TNKS1BP1: variants seen among roughly 807,000 people sequenced by gnomAD.
TNKS1BP1 encodes the protein 182 kDa tankyrase-1-binding protein.
A neutral mutation model predicts 141.1 loss-of-function variants in TNKS1BP1; 48 were observed. The observed-to-expected ratio is 0.34, with a 90% CI of 0.27 to 0.43. The LOEUF (loss-of-function observed/expected upper bound fraction) is 0.43, where lower values mean the gene tolerates loss of function less well. Among genes scored for constraint, TNKS1BP1 ranks in the 20% least tolerant of loss-of-function variants. The pLI is 1.00. For synonymous variants in TNKS1BP1, 875 were observed against 898.2 expected (o/e 0.97, Z 0.46); for missense variants, 2,149 against 2,226.0 (o/e 0.97, Z 0.70).
chr11:57,301,691 A>C, intron 9 of TNKS1BP1, 116 bp downstream of exon 9: 1 of 1,381,752 alleles, frequency 7.2e-7, no homozygotes, highest in East Asian at 2.3e-5. Flanking sequence ...GAGTGAGAGG[A>C]GGAATGGGAG....
chr11:57,302,466 AAGG>A lies in TNKS1BP1; in HGVS notation c.4673_4675del (p.Ser1558del). ...GGCTCACCCTCCACTGACCTCAATG[AAGG>A]AGAAGTCCTGACTGGGGGATCTGGC... On this transcript the variant is annotated inframe_deletion, in exon 7 of 12. Transcript: ENST00000358252. The surrounding 1 kb of genome is among the most constrained non-coding windows in gnomAD (Gnocchi z 5.5). 6.3e-7 allele frequency: 1 copy of A among 1,595,350 alleles called. No homozygotes were observed. The highest frequency in any genetic ancestry group is 8.6e-7 in the Non-Finnish European group (1 of 1,167,820).
Position 57,322,076 on chromosome 11 carries a change from G to T in TNKS1BP1, c.-65-126C>A, listed in dbSNP as rs1020857746. On this transcript the variant is annotated intron_variant, in intron 1 of 11. Coordinates refer to ENST00000358252, the MANE Select transcript of TNKS1BP1 (RefSeq NM_033396.3). ...CAGGAAGAGAGAACTTGGAGTGGGG[G>T]GGGGGGGGTAGGAGGAGGTCAAGGG... is the stretch of plus-strand genomic sequence containing the variant. 9.2e-5 allele frequency: 80 copies of T among 866,292 alleles called. 4 individuals are homozygous for T. The highest frequency in any genetic ancestry group is 7.3e-4 in the African/African-American group (42 of 57,484). The allele number at this position is 866,292 out of a possible 1,614,324, so 53.7% of individuals were successfully genotyped here.
rs201504594 is a variant in TNKS1BP1, at chr11:57,313,523, G to A, written c.1165C>T (p.Arg389Trp). ...SLDQPPATSP[R>W]PLIEVGELLD... ...AACTCACCCACCTCGATCAGGGGCC[G>A]GGGTGAGGTGGCAGGGGGCTGATCC... The change falls in exon 5 of 12, where the codon CGG (arginine) becomes TGG (tryptophan). Residue 389 changes from arginine to tryptophan, a missense_variant. Physicochemically the swap from Arg to Trp is moderately radical, Grantham distance 101. Coordinates refer to ENST00000358252, the MANE Select transcript of TNKS1BP1 (RefSeq NM_033396.3). The A allele has an allele frequency of 2.4e-5, 37 of 1,571,580 alleles. No individual in the cohort carries two copies. Among genetic ancestry groups the A allele is most frequent in the African/African-American group, 8.1e-5 (6 of 73,910 alleles).
At chr11:57,301,967 T>G in intron 8 of TNKS1BP1, 24 bp from the exon 9 acceptor site, 1 of 1,609,692 alleles carries the variant, frequency 6.2e-7, no homozygotes, top group Non-Finnish European at 8.5e-7. Context: ...GGAAAGGGGC[T>G]CAGAAAAGGC....
At position 57,313,693 on chromosome 11, in the gene TNKS1BP1, G is replaced by T; in HGVS notation, c.995C>A (p.Pro332His). The T allele has an allele frequency of 6.3e-7, 1 of 1,580,072 alleles. No individual in the cohort carries two copies. Residue 332 changes from proline to histidine, a missense_variant, in exon 5 of 12, where the codon CCC becomes CAC. Transcript: ENST00000358252. ...TPEASQASPC[P>H]AVTPSAPSAA... The stretch of plus-strand genomic sequence containing the variant: ...ACTTGGAGCTGATGGAGTCACAGCG[G>T]GGCAGGGAGAAGCCTGGGAAGCTTC...
At chr11:57,307,244 CTG>C (rs1855627226) in intron 6 of TNKS1BP1, among the ~76,000 whole-genome samples, 1 of 152,074 alleles carries the variant, frequency 6.6e-6, no homozygotes, top group Non-Finnish European at 1.5e-5. Flanking sequence ...CCCTGAGAAA[CTG>C]AGGCTCAGAG....
intron 6 of TNKS1BP1, among the ~76,000 whole-genome samples, chr11:57,305,783 C>G (rs1048748104): frequency 2.0e-5 from 3 of 152,158 alleles, no homozygotes; most frequent in African/African-American, 4.8e-5. Flanking sequence ...CCCATGAGTA[C>G]TGGGAGTAAG....
At chr11:57,317,272 T>G (rs1196977966) in intron 4 of TNKS1BP1, among the ~76,000 whole-genome samples, 1 of 152,208 alleles carries the variant, frequency 6.6e-6, no homozygotes, top group African/African-American at 2.4e-5. Context: ...ATCCTGTACC[T>G]TGTTTACTCA....
intron 1 of TNKS1BP1, 74 bp from the exon 2 acceptor site, chr11:57,322,024 T>C: frequency 1.7e-6 from 2 of 1,157,640 alleles, no homozygotes; most frequent in Non-Finnish European, 2.2e-6. Context: ...AGAAGTCTCC[T>C]ATTTCTAACA....
At chr11:57,316,555 T>G (rs11228997) in intron 4 of TNKS1BP1, among the ~76,000 whole-genome samples, 16,726 of 152,204 alleles carry the variant, frequency 0.11, 967 homozygotes, top group African/African-American at 0.14. Context: ...TCGGCAACCA[T>G]AAACTCATCC....
intron 3 of TNKS1BP1, 101 bp downstream of exon 3, chr11:57,319,978 C>G: frequency 6.6e-7 from 1 of 1,504,904 alleles, no homozygotes; most frequent in Non-Finnish European, 9.0e-7. Flanking sequence ...GTAAAAGTCA[C>G]AACCCTATAT....
chr11:57,309,819 A>C lies in TNKS1BP1; in HGVS notation c.2892T>G (p.Gly964=). 1 of 1,614,052 alleles carries C rather than the reference A, an allele frequency of 6.2e-7. No homozygotes were observed. The highest frequency in any genetic ancestry group is 8.5e-7 in the Non-Finnish European group (1 of 1,179,994). Reference sequence around the variant, plus strand: ...GGGCGTCAAGGGTCCTGGAGCTGCCACCACTGCTGTAGTCCCTTATCCAAG... The same window carrying C: ...GGGCGTCAAGGGTCCTGGAGCTGCCCCCACTGCTGTAGTCCCTTATCCAAG... The part of the protein sequence containing the change: ...KSAWIRDYSS[G]GSSRTLDAQD... The change falls in exon 6 of 12, where the codon GGT becomes GGG. Residue 964 remains glycine (G), a synonymous_variant. Coordinates refer to ENST00000358252, the MANE Select transcript of TNKS1BP1 (RefSeq NM_033396.3). This position sits in a 1 kb window ranked among gnomAD's most constrained non-coding sequence, Gnocchi z 4.3.
chr11:57,308,234 T>G (rs1855642339), intron 6 of TNKS1BP1, among the ~76,000 whole-genome samples, 161 bp downstream of exon 6: 1 of 152,258 alleles, frequency 6.6e-6, no homozygotes, highest in African/African-American at 2.4e-5. Flanking sequence ...TTTCAATTAT[T>G]TTTAAGTAGA....
Position 57,313,839 on chromosome 11 carries a change from T to C in TNKS1BP1, c.849A>G (p.Gly283=). ...PSSPAPSSEN[G]GPASPGLPAE... The stretch of plus-strand genomic sequence containing the variant: ...CGGGGAGGCCTGGGCTGGCAGGGCC[T>C]CCATTCTCTGAGGAGGGGGCTGGAC... The change falls in exon 5 of 12, where the codon GGA becomes GGG. Residue 283 remains glycine, a synonymous_variant. Coordinates refer to ENST00000358252, the MANE Select transcript of TNKS1BP1 (RefSeq NM_033396.3). 6.5e-7 allele frequency: 1 copy of C among 1,527,432 alleles called. No homozygotes were observed. Among genetic ancestry groups the C allele is most frequent in the South Asian group, 1.3e-5 (1 of 75,186 alleles). 94.6% of individuals were successfully genotyped at this position (1,527,432 alleles called of 1,614,324 possible). A position where few individuals can be genotyped will look rare whatever the true frequency, so the allele number is the denominator to read the frequency against.
In TNKS1BP1 at chr11:57,313,006, T is replaced by C; in HGVS notation, c.1682A>G (p.Gln561Arg). 6.2e-7 allele frequency: 1 copy of C among 1,613,926 alleles called. No individual in the cohort carries two copies. Among genetic ancestry groups the C allele is most frequent in the Non-Finnish European group, 8.5e-7 (1 of 1,180,008 alleles). The change falls in exon 5 of 12, where the codon CAA becomes CGA. Residue 561 changes from glutamine (Q) to arginine (R), a missense_variant. Physicochemically the swap from Gln to Arg is conservative, Grantham distance 43. Transcript: ENST00000358252. ...SLTQKGDGESQPQFPAVPLEP... is the reference protein window; with the variant it reads ...SLTQKGDGESRPQFPAVPLEP... ...AAGGGGAACAGCTGGGAATTGAGGTTGACTCTCCCCATCGCCCTTCTGGGT... is the reference window on the plus strand; with the variant it reads ...AAGGGGAACAGCTGGGAATTGAGGTCGACTCTCCCCATCGCCCTTCTGGGT...
intron 5 of TNKS1BP1, chr11:57,311,440 CGCGCTGGGACCTGTCCGACGGCTCTG>C: frequency 1.0e-6 from 1 of 985,856 alleles, no homozygotes; most frequent in Non-Finnish European, 1.2e-6. Flanking sequence ...GGCTGCTACC[CGCGCTGGGACCTGTCCGACGGCTCTG>C]GCGCTGGCTC....
intron 1 of TNKS1BP1, 63 bp from the exon 2 acceptor site, chr11:57,322,013 G>A (rs867045397): frequency 3.8e-6 from 5 of 1,303,106 alleles, no homozygotes; most frequent in Admixed American, 3.0e-5. Context: ...GTTTAGCAGA[G>A]AGAAGTCTCC....
intron 2 of TNKS1BP1, 48 bp downstream of exon 2, chr11:57,321,744 T>TGGCGGCC: frequency 9.6e-7 from 1 of 1,039,822 alleles, no homozygotes; most frequent in Non-Finnish European, 1.5e-6. Flanking sequence ...CCTCTGTCCT[T>TGGCGGCC]CCCACCCCCC....
chr11:57,308,660 G>A lies in TNKS1BP1; in HGVS notation c.4051C>T (p.Gln1351Ter). ...GGAGCCCCAAAGAGCTCCACATTCT[G>A]GGGCGCCAAGTCCTGGGTCCAGTCC... The part of the protein sequence containing the change: ...QMDWTQDLAP[Q>*]NVELFGAPSE... The change falls in exon 6 of 12, where the codon CAG (glutamine) becomes TAG (stop). Residue 1351 changes from glutamine to a stop codon, truncating the protein, a stop_gained. Coordinates refer to ENST00000358252, the MANE Select transcript of TNKS1BP1 (RefSeq NM_033396.3). LOFTEE classifies it high-confidence loss of function. 6.2e-7 allele frequency: 1 copy of A among 1,612,864 alleles called. No individual in the cohort carries two copies. The highest frequency in any genetic ancestry group is 8.5e-7 in the Non-Finnish European group (1 of 1,179,952).
Sources: allele counts gnomAD v4.1 joint callset (sites outside exome capture counted in the v4.1 genomes callset), GRCh38; gene constraint gnomAD v4.1.1; non-coding constraint Gnocchi (gnomAD v3.1); transcripts MANE v1.5; gene names NCBI Gene and HGNC (gene_info 2026-07-23, HGNC 2026-07-21).